Variants in TRIM49C observed in about 807,000 individuals in gnomAD.
TRIM49C encodes the protein tripartite motif-containing protein 49C.
In TRIM49C, 6 loss-of-function variants were observed where a neutral mutation model predicts 21.4. The observed-to-expected ratio is 0.28, with a 90% CI of 0.15 to 0.55. The LOEUF is 0.55. TRIM49C is among the 20% of genes least tolerant of loss of function. The pLI is 0.94. For synonymous variants in TRIM49C, 57 were observed against 148.1 expected, an observed-to-expected ratio of 0.38 and a Z score of 4.47; for missense variants, 161 against 442.4, an observed-to-expected ratio of 0.36 and a Z score of 5.71.
In TRIM49C at chr11:90,035,711, C is replaced by A. The variant is rs1334172116; in HGVS notation, c.411+89C>A. On this transcript the variant is annotated intron_variant, in intron 3 of 7. Coordinates refer to ENST00000448984, the MANE Select transcript of TRIM49C (RefSeq NM_001195234.1). ...TCTTGGAGATTAGGTAAAGCCAACT[C>A]TGAGTCCCTTTAAGCAGCTCTGTTT... 56 of 1,368,736 alleles carry A rather than the reference C, an allele frequency of 4.1e-5. 11 individuals carry two copies. Among genetic ancestry groups the A allele is most frequent in the Non-Finnish European group, 5.3e-5 (56 of 1,046,860 alleles). 84.8% of individuals were successfully genotyped at this position (1,368,736 alleles called of 1,614,324 possible).
chr11:90,072,478 G>C, the TRIM49C span, among the ~76,000 whole-genome samples: 319 of 142,088 alleles, frequency 2.2e-3, 1 homozygote, highest in African/African-American at 7.9e-3. Context: ...TCTAGTTTAA[G>C]TGGCAGATTA....
the TRIM49C span, chr11:90,051,737 G>A: frequency 7.6e-6 from 2 of 263,994 alleles, no homozygotes; most frequent in Admixed American, 6.5e-5. Context: ...GAGAGATAGC[G>A]CGGAAATACA....
At chr11:90,031,848 C>T (rs552827300) in intron 1 of TRIM49C, among the ~76,000 whole-genome samples, 3 of 142,098 alleles carry the variant, frequency 2.1e-5, no homozygotes, top group African/African-American at 7.6e-5. Flanking sequence ...AGCATTTAAG[C>T]TGGATGAGGT....
chr11:90,073,216 C>T, the TRIM49C span: 6 of 843,136 alleles, frequency 7.1e-6, 2 homozygotes, highest in East Asian at 8.3e-5. Flanking sequence ...TGACCACCTC[C>T]CCAATGTTTC....
the TRIM49C span, among the ~76,000 whole-genome samples, chr11:90,064,402 G>T: frequency 6.6e-5 from 10 of 150,584 alleles, 1 homozygote; most frequent in Non-Finnish European, 1.5e-4. Flanking sequence ...AACAAAAAAA[G>T]TGAAGATATG....
chr11:90,031,820 C>G (rs1488603526), intron 1 of TRIM49C, among the ~76,000 whole-genome samples: 2 of 144,982 alleles, frequency 1.4e-5, no homozygotes, highest in African/African-American at 5.0e-5. Flanking sequence ...TGGAAATATC[C>G]TATAAATGTA....
rs1206204843 is a variant in TRIM49C at position 90,033,975 on chromosome 11, A to C, written c.-4-1233A>C. 1.5e-5 allele frequency among the ~76,000 whole-genome samples: 2 copies of C among 131,398 alleles called. 1 individual carries two copies. The highest frequency in any genetic ancestry group is 5.2e-4 in the South Asian group (2 of 3,814). 86.2% of individuals were successfully genotyped at this position (131,398 alleles called of 152,430 possible). ...AAAAAAACAAAAAAAAAAACTAAAA[A>C]CACCTGACATATTTCTCAGAACATA... On this transcript the variant is annotated intron_variant, in intron 2 of 7. Transcript: ENST00000448984.
At chr11:90,043,138 T>C (rs1245720694), downstream of TRIM49C, among the ~76,000 whole-genome samples, 1 of 142,842 alleles carries the variant, frequency 7.0e-6, no homozygotes, top group Non-Finnish European at 1.5e-5. Context: ...TAGAATAAAA[T>C]AGGAGCCCAG....
intron 4 of TRIM49C, among the ~76,000 whole-genome samples, 193 bp downstream of exon 4, chr11:90,036,176 A>G (rs1290336370): frequency 8.8e-6 from 1 of 113,730 alleles, no homozygotes; most frequent in African/African-American, 3.6e-5. Context: ...ATTTCTAAGA[A>G]AACTACTGAT....
chr11:90,049,951 G>A, the TRIM49C span: 4 of 123,436 alleles, frequency 3.2e-5, 2 homozygotes, highest in East Asian at 1.0e-3. Context: ...AAACAGGAAG[G>A]AATGCCTGGC....
intron 7 of TRIM49C, among the ~76,000 whole-genome samples, 192 bp from the exon 8 acceptor site, chr11:90,040,859 A>AAC (rs1376151003): frequency 6.8e-6 from 1 of 146,198 alleles, no homozygotes; most frequent in African/African-American, 2.5e-5. Flanking sequence ...CAAAAAAAAA[A>AAC]CATAATATCT....
At chr11:90,067,709 G>A in the TRIM49C span, among the ~76,000 whole-genome samples, 7 of 139,710 alleles carry the variant, frequency 5.0e-5, 1 homozygote, top group Admixed American at 1.6e-4. Flanking sequence ...GTTGATTAAC[G>A]CATATTTTAT....
At chr11:90,064,485 TC>T in the TRIM49C span, among the ~76,000 whole-genome samples, 1 of 146,926 alleles carries the variant, frequency 6.8e-6, no homozygotes, top group Non-Finnish European at 1.5e-5. Flanking sequence ...AATTCACCTT[TC>T]CCCTTAGTGA....
the TRIM49C span, among the ~76,000 whole-genome samples, chr11:90,054,875 G>C: frequency 6.9e-6 from 1 of 144,054 alleles, no homozygotes; most frequent in Non-Finnish European, 1.5e-5. Flanking sequence ...AGCTAATACT[G>C]TCTTTCTGCA....
the TRIM49C span, among the ~76,000 whole-genome samples, chr11:90,049,131 C>T: frequency 8.1e-6 from 1 of 123,658 alleles, no homozygotes; most frequent in Non-Finnish European, 1.7e-5. Context: ...CTAGAAGCTT[C>T]GTCTCAGAGG....
chr11:90,051,665 T>G, the TRIM49C span, among the ~76,000 whole-genome samples: 2 of 114,896 alleles, frequency 1.7e-5, 1 homozygote, highest in East Asian at 5.6e-4. Flanking sequence ...TACTGATTGC[T>G]AGGGTGGCTG....
At chr11:90,048,370 A>T in the TRIM49C span, among the ~76,000 whole-genome samples, 5 of 121,034 alleles carry the variant, frequency 4.1e-5, 1 homozygote, top group African/African-American at 1.3e-4. Context: ...GTGTTTTCCA[A>T]CTCGTTTCCA....
intron 6 of TRIM49C, 65 bp downstream of exon 6, chr11:90,038,780 A>G (rs1950745613): frequency 1.5e-6 from 1 of 646,124 alleles, no homozygotes; most frequent in African/African-American, 2.0e-5. Context: ...AGCAGGCTCT[A>G]TTAAAGTCAT....
the TRIM49C span, among the ~76,000 whole-genome samples, chr11:90,067,856 T>A: frequency 4.4e-5 from 6 of 136,770 alleles, 1 homozygote; most frequent in South Asian, 2.5e-4. Context: ...ATTATAAGGG[T>A]TTTCAGCCTC....
Sources: gnomAD v4.1 joint callset for allele counts (sites outside exome capture counted in the v4.1 genomes callset) on GRCh38, gnomAD v4.1.1 for gene constraint, MANE v1.5 for transcripts, NCBI Gene and HGNC (gene_info 2026-07-23, HGNC 2026-07-21) for gene names.